The following BRAF variants were observed in gnomAD, a reference collection of about 807,000 sequenced individuals.
The protein encoded by BRAF is B-Raf proto-oncogene, serine/threonine kinase.
BRAF carries 16 observed loss-of-function variants against 104.6 expected under a neutral mutation model. The observed-to-expected ratio is 0.15, with a 90% CI of 0.10 to 0.23. The LOEUF (loss-of-function observed/expected upper bound fraction) is 0.23. Ranked by LOEUF, BRAF falls within the 10% of genes least tolerant of loss-of-function variation. The pLI is 1.00. For missense variants in BRAF, 541 were observed against 937.3 expected (o/e 0.58, Z 5.52); for synonymous variants, 310 against 341.6 (o/e 0.91, Z 1.02).
chr7:140,760,032 G>A lies in BRAF; in HGVS notation c.1815-5799C>T, dbSNP rs117012319. 1.8e-3 allele frequency among the ~76,000 whole-genome samples: 281 copies of A among 152,312 alleles called. 1 individual carries two copies. The highest frequency in any genetic ancestry group is 3.5e-3 in the Non-Finnish European group (237 of 68,022). On this transcript the variant is annotated intron_variant, in intron 14 of 19. Transcript: ENST00000644969. Reference sequence around the variant, plus strand: ...AAGTGTGTGATCAACTGTATCAGATGTTTCTGACAGGTCAAATAAACTGTG... The same window carrying A: ...AAGTGTGTGATCAACTGTATCAGATATTTCTGACAGGTCAAATAAACTGTG...
chr7:140,801,621 C>T lies in BRAF; in HGVS notation c.712-61G>A, dbSNP rs13234054. 11,684 of 1,496,828 alleles carry T rather than the reference C, an allele frequency of 7.8e-3. 59 individuals carry two copies. The highest frequency in any genetic ancestry group is 9.2e-3 in the Non-Finnish European group (10,057 of 1,088,680). The allele number at this position is 1,496,828 out of a possible 1,614,324, so 92.7% of individuals were successfully genotyped here. ...CACAAGAAAACTTTCTAGAAACTGACGTATCTACTCTCTTGTTTAAAATAA... is the reference window on the plus strand; with the variant it reads ...CACAAGAAAACTTTCTAGAAACTGATGTATCTACTCTCTTGTTTAAAATAA... On this transcript the variant is annotated intron_variant, in intron 5 of 19. Transcript: ENST00000644969.
chr7:140,802,778 T>G (rs1481576166), intron 5 of BRAF, among the ~76,000 whole-genome samples: 1 of 152,232 alleles, frequency 6.6e-6, no homozygotes, highest in Non-Finnish European at 1.5e-5. Flanking sequence ...CTTAGTTTAA[T>G]GTAAATTTTT....
intron 5 of BRAF, among the ~76,000 whole-genome samples, chr7:140,807,227 T>G (rs1803748627): frequency 6.6e-6 from 1 of 152,152 alleles, no homozygotes; most frequent in Non-Finnish European, 1.5e-5. Context: ...TATCCAGCCA[T>G]TCTATTTCCA....
At chr7:140,921,886 T>C (rs1228645549) in intron 1 of BRAF, among the ~76,000 whole-genome samples, 3 of 152,102 alleles carry the variant, frequency 2.0e-5, no homozygotes, top group African/African-American at 7.2e-5. Flanking sequence ...AACCTTTTCA[T>C]TCTTTCCATG....
At position 140,725,221 on chromosome 7, in the gene BRAF, G is replaced by C. The variant is rs1795533791; in HGVS notation, c.*1273C>G. 8 of 1,043,528 alleles carry C rather than the reference G, an allele frequency of 7.7e-6. No individual in the cohort carries two copies. Among genetic ancestry groups the C allele is most frequent in the Non-Finnish European group, 9.2e-6 (8 of 865,182 alleles). The allele number at this position is 1,043,528 out of a possible 1,614,324, so 64.6% of individuals were successfully genotyped here. A position where few individuals can be genotyped will look rare whatever the true frequency, so the allele number is the denominator to read the frequency against. On this transcript the variant is annotated 3_prime_UTR_variant, in exon 20 of 20. Coordinates refer to ENST00000644969, the MANE Select transcript of BRAF (RefSeq NM_001374258.1). ...AAGAAGATGTGGGATATAGTGTTAG[G>C]AATCAGTTGGAAGAAACAATGAGAT...
chr7:140,802,108 A>G (rs924637348), intron 5 of BRAF, among the ~76,000 whole-genome samples: 4 of 152,156 alleles, frequency 2.6e-5, no homozygotes, highest in African/African-American at 9.7e-5. Flanking sequence ...AAGTTAATAA[A>G]GCAAGAAATT....
chr7:140,845,037 C>T (rs554448506), intron 2 of BRAF, among the ~76,000 whole-genome samples: 123 of 152,138 alleles, frequency 8.1e-4, no homozygotes, highest in Non-Finnish European at 2.5e-4. Context: ...CTAGTGTAAT[C>T]AAAACAGTAT....
intron 1 of BRAF, among the ~76,000 whole-genome samples, chr7:140,882,919 G>T (rs1247532105): frequency 6.6e-6 from 1 of 151,872 alleles, no homozygotes; most frequent in Non-Finnish European, 1.5e-5. Context: ...GCTTGAACCT[G>T]GGAGGCGGAG....
chr7:140,783,600 T>C (rs1267643), intron 10 of BRAF: 60,297 of 230,528 alleles, frequency 0.26, 12,890 homozygotes, highest in African/African-American at 0.67. Context: ...AAAAAGGAAA[T>C]CCCCAGATGG....
intron 1 of BRAF, among the ~76,000 whole-genome samples, chr7:140,856,874 A>C (rs940875637): frequency 8.5e-5 from 13 of 152,332 alleles, no homozygotes; most frequent in South Asian, 4.1e-4. Flanking sequence ...TCAGTAAAAG[A>C]AGCAAGAAGA....
rs1562972957 is a variant in BRAF at position 140,814,694 on chromosome 7, ATT to A, written c.505-5701_505-5700del. Among the ~76,000 whole-genome samples, 3 of 147,174 alleles carry A rather than the reference ATT, an allele frequency of 2.0e-5. No homozygotes were observed. In the East Asian group the frequency reaches 5.8e-4, roughly 29 times the overall value. ...AATATATATATATAAAATTCATATA[ATT>A]TATACTTTATATATAATGTATATAA... On this transcript the variant is annotated intron_variant, in intron 3 of 19. Transcript: ENST00000644969.
rs890147539 is a variant in BRAF, at chr7:140,784,935, C to T, written c.1297+754G>A. Among the ~76,000 whole-genome samples the T allele has an allele frequency of 3.3e-5, 5 of 152,150 alleles. No individual in the cohort carries two copies. In the South Asian group the frequency reaches 6.2e-4, roughly 19 times the overall value. ...GTGCTGGGATTACAGGCGTGAGCCA[C>T]CGCGCCTGGCCCGACTTAAGTTTTT... On this transcript the variant is annotated intron_variant, in intron 10 of 19. Transcript: ENST00000644969.
chr7:140,732,429 A>G (rs1272923888), intron 19 of BRAF: 3 of 152,136 alleles, frequency 2.0e-5, no homozygotes, highest in Admixed American at 2.0e-4. Context: ...AAAGGGAAAC[A>G]TTTAATTCTA....
chr7:140,741,090 A>T (rs942127293), intron 17 of BRAF: 3 of 152,210 alleles, frequency 2.0e-5, no homozygotes, highest in Non-Finnish European at 4.4e-5. Context: ...GTTGAGAGAA[A>T]GGATCTGGAG....
intron 1 of BRAF, among the ~76,000 whole-genome samples, chr7:140,854,910 A>T (rs1188890667): frequency 1.3e-5 from 2 of 152,120 alleles, no homozygotes; most frequent in African/African-American, 2.4e-5. Context: ...GCGCCACTGC[A>T]CTCCAGCCTG....
intron 1 of BRAF, among the ~76,000 whole-genome samples, chr7:140,922,153 T>TGG (rs1818293170): frequency 1.3e-5 from 2 of 152,192 alleles, no homozygotes; most frequent in African/African-American, 4.8e-5. Flanking sequence ...CCACTAAACA[T>TGG]TAAAACCTGG....
intron 14 of BRAF, among the ~76,000 whole-genome samples, chr7:140,760,422 A>G (rs563121150): frequency 3.5e-3 from 232 of 65,776 alleles, no homozygotes; most frequent in African/African-American, 0.025. Context: ...TGAGAGAGAG[A>G]AAAAAAAAAA....
chr7:140,777,117 T>C (rs1586122825), intron 13 of BRAF, 29 bp from the exon 13 acceptor site: 12 of 1,608,190 alleles, frequency 7.5e-6, no homozygotes, highest in Non-Finnish European at 6.8e-6. Flanking sequence ...CAGTAAACAT[T>C]AAATGTCGAC....
intron 19 of BRAF, among the ~76,000 whole-genome samples, chr7:140,727,767 C>T (rs892759738): frequency 2.0e-5 from 3 of 152,088 alleles, no homozygotes; most frequent in Non-Finnish European, 4.4e-5. Flanking sequence ...ACTACAGGCA[C>T]ATGAAGCCAC....
Sources: gnomAD v4.1 joint callset for allele counts (sites outside exome capture counted in the v4.1 genomes callset) on GRCh38, gnomAD v4.1.1 for gene constraint, MANE v1.5 for transcripts, NCBI Gene and HGNC (gene_info 2026-07-23, HGNC 2026-07-21) for gene names.